The following ENTHD1 variants were observed in gnomAD, a reference collection of about 807,000 sequenced individuals.
ENTHD1 encodes ENTH domain-containing protein 1.
A neutral mutation model predicts 39.1 loss-of-function variants in ENTHD1; 23 were observed. That is an observed-to-expected ratio of 0.59 (90% CI 0.42 to 0.83). The LOEUF is 0.83. Among genes scored for constraint, ENTHD1 ranks in the 40% least tolerant of loss-of-function variants. The pLI is 0.00. For synonymous variants in ENTHD1, 230 were observed against 258.2 expected (o/e 0.89, Z 1.05); for missense variants, 624 against 705.4 (o/e 0.88, Z 1.31).
intron 5 of ENTHD1, among the ~76,000 whole-genome samples, chr22:39,818,418 C>T (rs1263680054): frequency 2.6e-5 from 4 of 152,106 alleles, no homozygotes; most frequent in Admixed American, 2.0e-4. Context: ...GATTATGCCA[C>T]GAAGTTTCAG....
rs919124097 is a variant in ENTHD1, at chr22:39,821,642, A to C, written c.712-529T>G. Among the ~76,000 whole-genome samples, 73 of 152,196 alleles carry C rather than the reference A, an allele frequency of 4.8e-4. 1 individual carries two copies. The highest frequency in any genetic ancestry group is 2.0e-4 in the Admixed American group (3 of 15,276). ...TTCACTTTGAAGCAAATCCTAGAAT[A>C]ATCCCTTATTTCATTATGTATCTCT... is the stretch of plus-strand genomic sequence containing the variant. On this transcript the variant is annotated intron_variant, in intron 4 of 6. Coordinates refer to ENST00000325157, the MANE Select transcript of ENTHD1 (RefSeq NM_152512.4).
At chr22:39,814,543 T>C (rs1441493198) in intron 5 of ENTHD1, among the ~76,000 whole-genome samples, 2 of 149,924 alleles carry the variant, frequency 1.3e-5, no homozygotes, top group African/African-American at 5.1e-5. Context: ...ATTAAAACTA[T>C]TTATCAATGC....
At chr22:39,783,472 G>A (rs886998082) in intron 5 of ENTHD1, among the ~76,000 whole-genome samples, 20 of 152,040 alleles carry the variant, frequency 1.3e-4, no homozygotes, top group African/African-American at 4.8e-4. Flanking sequence ...GAATAAAGCT[G>A]AAGGCATCAC....
chr22:39,827,994 G>A (rs917739744), intron 4 of ENTHD1, among the ~76,000 whole-genome samples: 5 of 152,174 alleles, frequency 3.3e-5, no homozygotes, highest in African/African-American at 4.8e-5. Flanking sequence ...ATAGAAAAAT[G>A]TCTATAAGAT....
At chr22:39,774,022 C>T (rs1179497194) in intron 5 of ENTHD1, among the ~76,000 whole-genome samples, 2 of 152,152 alleles carry the variant, frequency 1.3e-5, no homozygotes, top group Non-Finnish European at 2.9e-5. Flanking sequence ...GTTACGAGTG[C>T]ACAGTGCACA....
At chr22:39,871,202 A>AATAAATAC (rs1167838121) in intron 2 of ENTHD1, among the ~76,000 whole-genome samples, 1 of 150,588 alleles carries the variant, frequency 6.6e-6, no homozygotes, top group Non-Finnish European at 1.5e-5. Context: ...TAAATAAATA[A>AATAAATAC]ATAAATAAAT....
intron 6 of ENTHD1, among the ~76,000 whole-genome samples, chr22:39,759,554 C>T (rs886708709): frequency 3.9e-5 from 6 of 151,984 alleles, no homozygotes; most frequent in Middle Eastern, 3.4e-3. Flanking sequence ...AAAGAGCCAC[C>T]TTTAATCTGT....
intron 5 of ENTHD1, among the ~76,000 whole-genome samples, chr22:39,810,744 C>T (rs1249287594): frequency 6.6e-6 from 1 of 152,154 alleles, no homozygotes; most frequent in Non-Finnish European, 1.5e-5. Flanking sequence ...CAGTTGTGGG[C>T]TCTTTACTAG....
chr22:39,830,318 G>A (rs995933968), intron 4 of ENTHD1, among the ~76,000 whole-genome samples: 5 of 151,976 alleles, frequency 3.3e-5, no homozygotes, highest in Admixed American at 2.6e-4. Context: ...CAAGTGATCC[G>A]TCCACCTCGG....
intron 3 of ENTHD1, among the ~76,000 whole-genome samples, chr22:39,851,779 C>T (rs1470258006): frequency 6.6e-6 from 1 of 152,208 alleles, no homozygotes; most frequent in Non-Finnish European, 1.5e-5. Flanking sequence ...CTGACTTCAG[C>T]TCACATGTAC....
At chr22:39,890,305 C>A (rs1401761906) in intron 1 of ENTHD1, among the ~76,000 whole-genome samples, 1 of 151,828 alleles carries the variant, frequency 6.6e-6, no homozygotes, top group Non-Finnish European at 1.5e-5. Flanking sequence ...CACCTTCCTG[C>A]AGTGAAAAAC....
intron 6 of ENTHD1, among the ~76,000 whole-genome samples, chr22:39,754,016 A>G (rs1406432904): frequency 6.6e-6 from 1 of 151,834 alleles, no homozygotes; most frequent in Non-Finnish European, 1.5e-5. Flanking sequence ...CCACTTTCTT[A>G]CCACTCCCTT....
chr22:39,776,548 CAT>C (rs2065366759), intron 5 of ENTHD1, among the ~76,000 whole-genome samples: 3 of 152,312 alleles, frequency 2.0e-5, no homozygotes, highest in African/African-American at 4.8e-5. Context: ...GACTTTGACA[CAT>C]GAGTCTCATT....
rs118083148 is a variant in ENTHD1 at position 39,871,471 on chromosome 22, G to A, written c.350-9464C>T. 7.2e-5 allele frequency among the ~76,000 whole-genome samples: 11 copies of A among 152,248 alleles called. No individual in the cohort carries two copies. In the East Asian group the frequency reaches 2.1e-3, roughly 29 times the overall value. ...GAAGTAACTTTCCTGAAGTCATAAA[G>A]CTAATAAACTAGAAAGTGGAGGTTG... On this transcript the variant is annotated intron_variant, in intron 2 of 6. Coordinates refer to ENST00000325157, the MANE Select transcript of ENTHD1 (RefSeq NM_152512.4).
At chr22:39,770,091 T>A (rs2065310075) in intron 5 of ENTHD1, among the ~76,000 whole-genome samples, 1 of 152,116 alleles carries the variant, frequency 6.6e-6, no homozygotes, top group Non-Finnish European at 1.5e-5. Flanking sequence ...ATGTGTAGAA[T>A]GTGTATGATG....
chr22:39,882,623 C>A (rs898769131), intron 2 of ENTHD1, among the ~76,000 whole-genome samples: 1 of 152,144 alleles, frequency 6.6e-6, no homozygotes, highest in Non-Finnish European at 1.5e-5. Flanking sequence ...GTTGTGCATG[C>A]ATATATCCTC....
chr22:39,862,884 T>G (rs1423208522), intron 2 of ENTHD1, among the ~76,000 whole-genome samples: 2 of 152,200 alleles, frequency 1.3e-5, no homozygotes, highest in African/African-American at 2.4e-5. Flanking sequence ...TGAGGTCACC[T>G]CCTTTGTGAA....
intron 5 of ENTHD1, among the ~76,000 whole-genome samples, chr22:39,807,340 AG>A (rs1235425744): frequency 6.6e-6 from 1 of 152,204 alleles, no homozygotes; most frequent in Non-Finnish European, 1.5e-5. Context: ...TTGCCAGGGA[AG>A]CTCCAGGTTT....
intron 5 of ENTHD1, among the ~76,000 whole-genome samples, chr22:39,805,696 G>A (rs2065635114): frequency 2.0e-5 from 3 of 152,104 alleles, no homozygotes; most frequent in South Asian, 4.1e-4. Context: ...AAGAGCAAGA[G>A]GGAGAAAACA....
Sources: gnomAD v4.1 joint callset for allele counts (sites outside exome capture counted in the v4.1 genomes callset) on GRCh38, gnomAD v4.1.1 for gene constraint, MANE v1.5 for transcripts, NCBI Gene and HGNC (gene_info 2026-07-23, HGNC 2026-07-21) for gene names.